DOCK8: variants seen among roughly 807,000 people sequenced by gnomAD.
The protein encoded by DOCK8 is dedicator of cytokinesis protein 8.
Under a neutral mutation model 245.6 loss-of-function variants are expected in DOCK8, and 141 were observed. The observed-to-expected ratio is 0.57, with a 90% confidence interval of 0.50 to 0.66. The LOEUF (loss-of-function observed/expected upper bound fraction) is 0.66, where lower values mean the gene tolerates loss of function less well. Ranked by LOEUF, DOCK8 falls within the 30% of genes least tolerant of loss-of-function variation. The pLI is 0.00. For synonymous variants in DOCK8, 1,168 were observed against 970.2 expected, an observed-to-expected ratio of 1.20 and a Z score of -3.79; for missense variants, 2,965 against 2,603.4, an observed-to-expected ratio of 1.14 and a Z score of -3.02.
Position 323,929 on chromosome 9 carries a change from G to C in DOCK8, c.828-1742G>C, listed in dbSNP as rs557773378. Reference sequence around the variant, plus strand: ...TATGTATCTGTTCATGGACAAGTGGGTTACTTCCACCTTTTGGCTATTGTG... The same window carrying C: ...TATGTATCTGTTCATGGACAAGTGGCTTACTTCCACCTTTTGGCTATTGTG... On this transcript the variant is annotated intron_variant, in intron 7 of 47. Coordinates refer to ENST00000432829, the MANE Select transcript of DOCK8 (RefSeq NM_203447.4). Among the ~76,000 whole-genome samples the C allele has an allele frequency of 5.3e-5, 8 of 152,302 alleles. No individual in the cohort carries two copies. The East Asian group carries it at 1.5e-3, about 29-fold the overall frequency.
chr9:277,472 A>AGGGGAGGGGAGGGGAGGGGAGGGG (rs1563865251), intron 2 of DOCK8, among the ~76,000 whole-genome samples: 1 of 124,864 alleles, frequency 8.0e-6, no homozygotes, highest in African/African-American at 4.2e-5. Flanking sequence ...AAGAGAAGAG[A>AGGGGAGGGGAGGGGAGGGGAGGGG]AGAGAAGAGA....
chr9:286,523 C>T lies in DOCK8; in HGVS notation c.219C>T (p.Asn73=). The change falls in exon 3 of 48, where the codon AAC becomes AAT. Residue 73 remains asparagine, a synonymous_variant. Transcript: ENST00000432829. ...DFEGLLMTHL[N]SLDVQLAQEL... ...AAGGACTTCTGATGACACACCTGAA[C>T]AGCCTGGATGTGCAGCTTGCCCAGG... The T allele has an allele frequency of 6.2e-7, 1 of 1,614,046 alleles. No homozygotes were observed. Among genetic ancestry groups the T allele is most frequent in the East Asian group, 2.2e-5 (1 of 44,878 alleles).
Position 286,459 on chromosome 9 carries a change from A to G in DOCK8, c.157-2A>G. Reference sequence around the variant, plus strand: ...TCCTTTTCCTTTTCCCTGCCCCTCCAGCCTCAGTTTTATGACCCTGTGGAG... The same window carrying G: ...TCCTTTTCCTTTTCCCTGCCCCTCCGGCCTCAGTTTTATGACCCTGTGGAG... On this transcript the variant is annotated splice_acceptor_variant, in intron 2 of 47. Transcript: ENST00000432829. LOFTEE classifies it high-confidence loss of function. The G allele has an allele frequency of 3.7e-6, 6 of 1,613,710 alleles. No homozygotes were observed. Among genetic ancestry groups the G allele is most frequent in the Non-Finnish European group, 5.1e-6 (6 of 1,179,808 alleles).
intron 45 of DOCK8, among the ~76,000 whole-genome samples, chr9:451,610 G>A (rs961375514): frequency 1.1e-4 from 17 of 152,046 alleles, no homozygotes; most frequent in African/African-American, 3.6e-4. Flanking sequence ...GTGATAGAGC[G>A]AGACCCTGTC....
intron 33 of DOCK8, 29 bp downstream of exon 33, chr9:422,164 T>C: frequency 6.3e-7 from 1 of 1,592,418 alleles, no homozygotes; most frequent in Non-Finnish European, 8.6e-7. Flanking sequence ...TTCTGCTACT[T>C]TTACCTAAAG....
At chr9:382,391 C>CT in intron 21 of DOCK8, 122 bp from the exon 22 acceptor site, 2 of 1,396,540 alleles carry the variant, frequency 1.4e-6, no homozygotes, top group Non-Finnish European at 2.0e-6. Flanking sequence ...TAAGAAGTCT[C>CT]TAATTCCAAG....
chr9:401,086 C>CTCT (rs1412972469), intron 26 of DOCK8, among the ~76,000 whole-genome samples: 2 of 123,450 alleles, frequency 1.6e-5, no homozygotes, highest in African/African-American at 1.2e-4. Flanking sequence ...CCACCACCAC[C>CTCT]TCCACCACCA....
Position 270,266 on chromosome 9 carries a change from C to T in DOCK8, c.54-1361C>T, listed in dbSNP as rs141941341. 2.4e-3 allele frequency among the ~76,000 whole-genome samples: 360 copies of T among 152,306 alleles called. 1 individual carries two copies. The highest frequency in any genetic ancestry group is 8.3e-3 in the African/African-American group (345 of 41,566). ...CCTCTGGGGTTTCACACTTCCTTGC[C>T]TCATCATGTAACGGGCCACCACTAG... On this transcript the variant is annotated intron_variant, in intron 1 of 47. Transcript: ENST00000432829.
intron 28 of DOCK8, among the ~76,000 whole-genome samples, chr9:409,345 C>G (rs2055600557): frequency 1.3e-5 from 2 of 152,160 alleles, no homozygotes; most frequent in African/African-American, 2.4e-5. Flanking sequence ...TTGTGTTAAG[C>G]CAGCAAATTG....
rs2054990937 is a variant in DOCK8 at position 400,892 on chromosome 9, ACCTCCCCCACTACCAACAGCTC to A, written c.3234+1635_3234+1656del. The stretch of plus-strand genomic sequence containing the variant: ...CATCACCACCACCTCCACCACCACC[ACCTCCCCCACTACCAACAGCTC>A]CTTCACCATCACCACAACATCCACC... On this transcript the variant is annotated intron_variant, in intron 26 of 47. Coordinates refer to ENST00000432829, the MANE Select transcript of DOCK8 (RefSeq NM_203447.4). 3.4e-5 allele frequency among the ~76,000 whole-genome samples: 3 copies of A among 87,082 alleles called. No individual in the cohort carries two copies. In the South Asian group the frequency reaches 1.1e-3, roughly 31 times the overall value. The allele number at this position is 87,082 out of a possible 152,430, so 57.1% of individuals were successfully genotyped here.
rs2057333438 is a variant in DOCK8, at chr9:448,500, G to A, written c.5818-1284G>A. Among the ~76,000 whole-genome samples, 4 of 152,304 alleles carry A rather than the reference G, an allele frequency of 2.6e-5. 1 individual carries two copies. In the South Asian group the frequency reaches 8.3e-4, roughly 32 times the overall value. ...TGTAGAACAAAGTTCCATAGACTGG[G>A]TGGCTTAAACAACTGAAATTTACTG... On this transcript the variant is annotated intron_variant, in intron 44 of 47. Transcript: ENST00000432829.
intron 21 of DOCK8, among the ~76,000 whole-genome samples, 175 bp downstream of exon 21, chr9:380,110 A>G (rs1295721285): frequency 7.8e-6 from 1 of 128,626 alleles, no homozygotes; most frequent in Admixed American, 7.8e-5. Context: ...TCACATCTGC[A>G]ACCCCAGCAC....
At chr9:286,944 G>A (rs2048848577) in intron 3 of DOCK8, among the ~76,000 whole-genome samples, 1 of 152,202 alleles carries the variant, frequency 6.6e-6, no homozygotes, top group Non-Finnish European at 1.5e-5. Context: ...TGCCAGCTCA[G>A]TGACCTTGGC....
In DOCK8 at chr9:377,171, C is replaced by T; in HGVS notation, c.2400C>T (p.Phe800=). The change falls in exon 20 of 48, where the codon TTC becomes TTT. Residue 800 remains phenylalanine, a synonymous_variant. Transcript: ENST00000432829. Reference sequence around the variant, plus strand: ...TGCACCTGGTGCTGGACAAGCTCTTCCAGCTGTCCGTGCAGCCCATGGTCA... The same window carrying T: ...TGCACCTGGTGCTGGACAAGCTCTTTCAGCTGTCCGTGCAGCCCATGGTCA... ...LFLHLVLDKL[F]QLSVQPMVIA... 1.2e-6 allele frequency: 2 copies of T among 1,603,338 alleles called. No individual in the cohort carries two copies. The highest frequency in any genetic ancestry group is 1.7e-6 in the Non-Finnish European group (2 of 1,179,308).
chr9:327,931 T>G, intron 8 of DOCK8, 91 bp from the exon 9 acceptor site: 1 of 1,282,582 alleles, frequency 7.8e-7, no homozygotes, highest in Non-Finnish European at 1.1e-6. Flanking sequence ...TTCAGCAAAA[T>G]TTCTCTGTGG....
intron 26 of DOCK8, among the ~76,000 whole-genome samples, chr9:403,046 C>T (rs569472139): frequency 6.6e-6 from 1 of 152,112 alleles, no homozygotes; most frequent in African/African-American, 2.4e-5. Flanking sequence ...TGTGGCACCA[C>T]TCCCCGCTAA....
chr9:281,641 C>CTGTGTG (rs60099453), intron 2 of DOCK8, among the ~76,000 whole-genome samples: 228 of 150,796 alleles, frequency 1.5e-3, no homozygotes, highest in Middle Eastern at 6.8e-3. Context: ...GTTTGTGTGC[C>CTGTGTG]TGTGTGTGTG....
At chr9:445,611 C>G (rs556866480) in intron 43 of DOCK8, among the ~76,000 whole-genome samples, 1 of 152,306 alleles carries the variant, frequency 6.6e-6, no homozygotes, top group African/African-American at 2.4e-5. Flanking sequence ...CAAAATACTT[C>G]CCGTGCCCAT....
chr9:356,035 A>G (rs778302377), intron 14 of DOCK8, among the ~76,000 whole-genome samples: 2 of 152,232 alleles, frequency 1.3e-5, no homozygotes, highest in African/African-American at 2.4e-5. Flanking sequence ...ATAAACCAAC[A>G]TGGGGCTCTA....
Sources: allele counts gnomAD v4.1 joint callset (sites outside exome capture counted in the v4.1 genomes callset), GRCh38; gene constraint gnomAD v4.1.1; transcripts MANE v1.5; gene names NCBI Gene and HGNC (gene_info 2026-07-23, HGNC 2026-07-21).